Variants in GALNT13 observed in about 807,000 individuals in gnomAD.
GALNT13 encodes polypeptide N-acetylgalactosaminyltransferase 13, also known as UDP-GalNAc:polypeptide N-acetylgalactosaminyltransferase 13.
In GALNT13, 28 loss-of-function variants were observed where a neutral mutation model predicts 64.2. That is an observed-to-expected ratio of 0.44 (90% CI 0.32 to 0.60). GALNT13 has a LOEUF of 0.60. GALNT13 is among the 20% of genes least tolerant of loss of function. The probability of loss-of-function intolerance (pLI) is 0.05; values close to 1 mark genes in which losing one functional copy is unlikely to be tolerated. For missense variants in GALNT13, 577 were observed against 669.8 expected, an observed-to-expected ratio of 0.86 and a Z score of 1.53; for synonymous variants, 214 against 224.6, an observed-to-expected ratio of 0.95 and a Z score of 0.42.
the GALNT13 span, among the ~76,000 whole-genome samples, chr2:153,691,662 A>T: frequency 6.6e-6 from 1 of 152,126 alleles, no homozygotes; most frequent in African/African-American, 2.4e-5. Context: ...CCTCAATTTT[A>T]TTTGTTATCT....
At chr2:154,440,478 C>T (rs990359921) in intron 12 of GALNT13, among the ~76,000 whole-genome samples, 3 of 151,838 alleles carry the variant, frequency 2.0e-5, no homozygotes, top group Non-Finnish European at 4.4e-5. Context: ...GGTAGCTTCA[C>T]ATAGGTAGAT....
At chr2:154,431,597 C>T (rs1017585003) in intron 11 of GALNT13, among the ~76,000 whole-genome samples, 2 of 152,032 alleles carry the variant, frequency 1.3e-5, no homozygotes, top group African/African-American at 2.4e-5. Context: ...AAGAAAAATC[C>T]AGAACAAACC....
At chr2:153,258,270 G>T in the GALNT13 span, among the ~76,000 whole-genome samples, 1 of 152,088 alleles carries the variant, frequency 6.6e-6, no homozygotes, top group African/African-American at 2.4e-5. Context: ...TTTAAATCGA[G>T]CTCAGTGGCT....
the GALNT13 span, among the ~76,000 whole-genome samples, chr2:153,630,766 T>A: frequency 2.9e-4 from 5 of 17,114 alleles, no homozygotes; most frequent in Non-Finnish European, 4.7e-4. Flanking sequence ...AGGCTTCATA[T>A]ATATATATAT....
the GALNT13 span, among the ~76,000 whole-genome samples, chr2:153,604,538 G>C: frequency 6.6e-6 from 1 of 152,046 alleles, no homozygotes; most frequent in Admixed American, 6.6e-5. Flanking sequence ...TGCTTCCTGA[G>C]CAATATCCTA....
intron 3 of GALNT13, among the ~76,000 whole-genome samples, chr2:154,083,669 T>C (rs1011951424): frequency 6.6e-6 from 1 of 151,758 alleles, no homozygotes; most frequent in Non-Finnish European, 1.5e-5. Flanking sequence ...ATTTTCTTTG[T>C]GGCAACTCAC....
the GALNT13 span, among the ~76,000 whole-genome samples, chr2:153,552,978 G>GT: frequency 6.6e-6 from 1 of 152,184 alleles, no homozygotes; most frequent in East Asian, 1.9e-4. Context: ...ACCTCCTGCT[G>GT]TGTGACCCTC....
chr2:154,133,932 T>C (rs1682795815), intron 3 of GALNT13, among the ~76,000 whole-genome samples: 1 of 152,204 alleles, frequency 6.6e-6, no homozygotes, highest in African/African-American at 2.4e-5. Flanking sequence ...AATGGCTCTC[T>C]TCCAAGCAGT....
chr2:153,463,837 C>T, the GALNT13 span, among the ~76,000 whole-genome samples: 4 of 151,968 alleles, frequency 2.6e-5, no homozygotes, highest in Non-Finnish European at 5.9e-5. Flanking sequence ...AGTAGTTGTT[C>T]CAAAGTGGTA....
the GALNT13 span, among the ~76,000 whole-genome samples, chr2:153,212,165 GT>G: frequency 1.2e-4 from 18 of 151,048 alleles, no homozygotes; most frequent in African/African-American, 1.7e-4. Flanking sequence ...TAATAGGCTT[GT>G]TTTTTTTTCT....
At chr2:153,590,893 T>A in the GALNT13 span, among the ~76,000 whole-genome samples, 1 of 152,070 alleles carries the variant, frequency 6.6e-6, no homozygotes, top group Admixed American at 6.6e-5. Flanking sequence ...AAACATTCCC[T>A]TTAGAAACTG....
intron 3 of GALNT13, among the ~76,000 whole-genome samples, chr2:154,052,465 C>T (rs939827051): frequency 6.6e-6 from 1 of 152,084 alleles, no homozygotes; most frequent in African/African-American, 2.4e-5. Flanking sequence ...TTTTTTTCTT[C>T]TCAAACTGTC....
At chr2:153,867,565 T>C (rs758470871), upstream of GALNT13, among the ~76,000 whole-genome samples, 10 of 152,060 alleles carry the variant, frequency 6.6e-5, no homozygotes, top group Non-Finnish European at 1.0e-4. Flanking sequence ...GGAGAGGGGA[T>C]GGTTTCAGGA....
chr2:153,684,800 C>T, the GALNT13 span, among the ~76,000 whole-genome samples: 2 of 151,744 alleles, frequency 1.3e-5, no homozygotes, highest in Non-Finnish European at 2.9e-5. Flanking sequence ...CCTCTACTGC[C>T]TCCCACCCTC....
At chr2:153,183,442 T>C in the GALNT13 span, among the ~76,000 whole-genome samples, 1 of 152,212 alleles carries the variant, frequency 6.6e-6, no homozygotes, top group Non-Finnish European at 1.5e-5. Context: ...TTCTGATAGT[T>C]TCTTTTGCTG....
At chr2:154,455,358 A>G (rs577126452), downstream of GALNT13, among the ~76,000 whole-genome samples, 1 of 152,320 alleles carries the variant, frequency 6.6e-6, no homozygotes, top group South Asian at 2.1e-4. Flanking sequence ...TTCTTAAGTT[A>G]TAAAGTGTAC....
At chr2:153,094,943 G>A in the GALNT13 span, among the ~76,000 whole-genome samples, 11 of 152,144 alleles carry the variant, frequency 7.2e-5, no homozygotes, top group East Asian at 3.9e-4. Context: ...CCCTAGAAGA[G>A]AACCTAGGCA....
At chr2:154,456,191 T>TTTGTGG (rs1553537506), downstream of GALNT13, among the ~76,000 whole-genome samples, 1 of 146,296 alleles carries the variant, frequency 6.8e-6, no homozygotes, top group African/African-American at 2.5e-5. Context: ...TTTGTTTTGT[T>TTTGTGG]TTGTTGTTGT....
At chr2:153,915,855 C>T (rs1383917263) in intron 2 of GALNT13, among the ~76,000 whole-genome samples, 1 of 152,152 alleles carries the variant, frequency 6.6e-6, no homozygotes, top group African/African-American at 2.4e-5. Flanking sequence ...ATTTACCCCT[C>T]ATCAAAGAGA....
Sources: gnomAD v4.1 joint callset for allele counts (sites outside exome capture counted in the v4.1 genomes callset) on GRCh38, gnomAD v4.1.1 for gene constraint, MANE v1.5 for transcripts, NCBI Gene and HGNC (gene_info 2026-07-23, HGNC 2026-07-21) for gene names.